CDH18: variants seen among roughly 807,000 people sequenced by gnomAD.
The protein encoded by CDH18 is cadherin-18.
A neutral mutation model predicts 67.9 loss-of-function variants in CDH18; 31 were observed. The observed-to-expected ratio is 0.46, with a 90% CI of 0.34 to 0.62. The LOEUF is 0.62. Ranked by LOEUF, CDH18 falls within the 20% of genes least tolerant of loss-of-function variation. The pLI, the probability that CDH18 is intolerant of heterozygous loss-of-function variation, is 0.01. For synonymous variants in CDH18, 362 were observed against 347.2 expected (o/e 1.04, Z -0.48); for missense variants, 890 against 975.5 (o/e 0.91, Z 1.17).
chr5:20,049,834 T>C (rs777390077), intron 2 of CDH18, among the ~76,000 whole-genome samples: 1 of 151,768 alleles, frequency 6.6e-6, no homozygotes, highest in Non-Finnish European at 1.5e-5. Context: ...AGAAGAGAAC[T>C]GGACAGGAAG....
rs181209092 is a variant in CDH18 at position 20,138,710 on chromosome 5, C to G, written c.-518+116734G>C. Among the ~76,000 whole-genome samples the G allele has an allele frequency of 1.1e-3, 172 of 152,252 alleles. 1 individual carries two copies. Among genetic ancestry groups the G allele is most frequent in the African/African-American group, 3.8e-3 (159 of 41,556 alleles). ...GCCAAATCATGAGTGAACTCCCATT[C>G]ACAATTGCTTCAAAGAGAATCAAAT... On this transcript the variant is annotated intron_variant, in intron 2 of 14. Coordinates refer to the CDH18 transcript ENST00000507958.
intron 2 of CDH18, among the ~76,000 whole-genome samples, chr5:19,948,750 A>T (rs549721241): frequency 9.9e-4 from 151 of 152,292 alleles, no homozygotes; most frequent in African/African-American, 3.6e-3. Flanking sequence ...TATTTATGCA[A>T]GATGTTATTG....
intron 1 of CDH18, among the ~76,000 whole-genome samples, chr5:20,416,076 C>T (rs1016598634): frequency 6.6e-6 from 1 of 151,970 alleles, no homozygotes; most frequent in Non-Finnish European, 1.5e-5. Context: ...CAACTTTGTG[C>T]CTATAGTTAA....
chr5:19,613,060 G>A (rs1232623900), intron 5 of CDH18, among the ~76,000 whole-genome samples: 3 of 152,012 alleles, frequency 2.0e-5, no homozygotes, highest in Non-Finnish European at 4.4e-5. Flanking sequence ...CAGGAGAATC[G>A]CTTGAACCCA....
chr5:19,829,187 A>G (rs1215153667), intron 3 of CDH18, among the ~76,000 whole-genome samples: 1 of 152,200 alleles, frequency 6.6e-6, no homozygotes, highest in Non-Finnish European at 1.5e-5. Flanking sequence ...CTGCTGTTCA[A>G]TATAGTACTG....
intron 2 of CDH18, among the ~76,000 whole-genome samples, chr5:20,155,323 T>A (rs902013242): frequency 6.6e-6 from 1 of 152,178 alleles, no homozygotes; most frequent in Non-Finnish European, 1.5e-5. Flanking sequence ...ACGTATTTTT[T>A]AATTTTTTTG....
chr5:19,484,004 T>C (rs969162496), intron 11 of CDH18, among the ~76,000 whole-genome samples: 4 of 152,302 alleles, frequency 2.6e-5, no homozygotes, highest in South Asian at 2.1e-4. Context: ...ATAAAACAGG[T>C]ATAAGAATAA....
chr5:20,001,658 T>G (rs1045768814), intron 2 of CDH18, among the ~76,000 whole-genome samples: 2 of 152,182 alleles, frequency 1.3e-5, no homozygotes, highest in African/African-American at 4.8e-5. Flanking sequence ...ATGTCATTAT[T>G]CTTTTTCCTT....
chr5:20,153,319 T>C (rs1160796139), intron 2 of CDH18, among the ~76,000 whole-genome samples: 1 of 152,094 alleles, frequency 6.6e-6, no homozygotes, highest in Non-Finnish European at 1.5e-5. Context: ...GGACAATTAT[T>C]TATGCTGTTC....
At chr5:19,534,332 C>T (rs1171909991) in intron 9 of CDH18, among the ~76,000 whole-genome samples, 1 of 151,882 alleles carries the variant, frequency 6.6e-6, no homozygotes, top group East Asian at 1.9e-4. Flanking sequence ...TTTTTAATGG[C>T]TATGTAAAAT....
intron 1 of CDH18, among the ~76,000 whole-genome samples, chr5:20,490,486 G>T (rs1220143888): frequency 6.6e-6 from 1 of 152,028 alleles, no homozygotes; most frequent in Non-Finnish European, 1.5e-5. Context: ...TCTATTAGAA[G>T]GCTTCATTAG....
At chr5:20,519,942 CTTTTTTTTTTTTTTTTTTT>C (rs777265512) in intron 1 of CDH18, among the ~76,000 whole-genome samples, 26 of 41,684 alleles carry the variant, frequency 6.2e-4, no homozygotes, top group South Asian at 4.4e-3. Context: ...ACAGTCTTGG[CTTTTTTTTTTTTTTTTTTT>C]TTTTTTTTTT....
At chr5:19,662,509 T>G (rs775964553) in intron 5 of CDH18, among the ~76,000 whole-genome samples, 46 of 152,042 alleles carry the variant, frequency 3.0e-4, no homozygotes, top group Non-Finnish European at 3.8e-4. Flanking sequence ...AGTACGTAAT[T>G]GTACAGTTTA....
intron 2 of CDH18, among the ~76,000 whole-genome samples, chr5:20,014,126 C>T (rs1249064894): frequency 6.6e-6 from 1 of 152,084 alleles, no homozygotes; most frequent in Non-Finnish European, 1.5e-5. Context: ...AGAGGTACTG[C>T]TCTTTCAAAT....
intron 2 of CDH18, among the ~76,000 whole-genome samples, chr5:20,043,152 T>C (rs1194906826): frequency 6.6e-6 from 1 of 152,068 alleles, no homozygotes; most frequent in African/African-American, 2.4e-5. Flanking sequence ...GTAGCAGTAA[T>C]GTCAATCAGT....
At position 19,597,136 on chromosome 5, in the gene CDH18, C is replaced by T. The variant is rs73053664; in HGVS notation, c.812-5892G>A. On this transcript the variant is annotated intron_variant, in intron 6 of 12. Coordinates refer to ENST00000382275, the MANE Select transcript of CDH18 (RefSeq NM_004934.5). The stretch of plus-strand genomic sequence containing the variant: ...CTGGGGCAAGCTATCTGTTATGTTT[C>T]GTTGCAGCCCATAGAGCAAGTGAGT... Among the ~76,000 whole-genome samples, 33 of 152,174 alleles carry T rather than the reference C, an allele frequency of 2.2e-4. No homozygotes were observed. The East Asian group carries it at 5.2e-3, about 24-fold the overall frequency.
At chr5:19,957,034 A>G (rs1796321388) in intron 2 of CDH18, among the ~76,000 whole-genome samples, 2 of 151,856 alleles carry the variant, frequency 1.3e-5, no homozygotes, top group Admixed American at 1.3e-4. Context: ...CTGCCCTGGT[A>G]GGTGTTTGGA....
At chr5:19,779,836 A>G (rs1163328615) in intron 3 of CDH18, among the ~76,000 whole-genome samples, 1 of 152,178 alleles carries the variant, frequency 6.6e-6, no homozygotes, top group Non-Finnish European at 1.5e-5. Context: ...TCAGGGTCAA[A>G]TAGCCAATAA....
chr5:19,507,933 G>C (rs2126803499), intron 10 of CDH18, among the ~76,000 whole-genome samples: 1 of 151,716 alleles, frequency 6.6e-6, no homozygotes, highest in South Asian at 2.1e-4. Context: ...GAAACTCCTA[G>C]TCTCTACATA....
Sources: allele counts gnomAD v4.1 joint callset (sites outside exome capture counted in the v4.1 genomes callset), GRCh38; gene constraint gnomAD v4.1.1; transcripts MANE v1.5; gene names NCBI Gene and HGNC (gene_info 2026-07-23, HGNC 2026-07-21).